The following CDH13 variants were observed in gnomAD, a reference collection of about 807,000 sequenced individuals.
CDH13 encodes the protein cadherin 13.
In CDH13, 24 loss-of-function variants were observed where a neutral mutation model predicts 63.8. That is an observed-to-expected ratio of 0.38 (90% confidence interval 0.27 to 0.53). CDH13 has a LOEUF of 0.53. Among genes scored for constraint, CDH13 ranks in the 20% least tolerant of loss-of-function variants. The probability of loss-of-function intolerance (pLI) is 0.85; values close to 1 mark genes in which losing one functional copy is unlikely to be tolerated. For missense variants in CDH13, 1,049 were observed against 903.1 expected, an observed-to-expected ratio of 1.16 and a Z score of -2.07; for synonymous variants, 503 against 355.3, an observed-to-expected ratio of 1.42 and a Z score of -4.67.
At chr16:82,891,053 TTA>T (rs536941303) in intron 2 of CDH13, among the ~76,000 whole-genome samples, 11,835 of 89,432 alleles carry the variant, frequency 0.13, 580 homozygotes, top group Middle Eastern at 0.22. Flanking sequence ...TTTTTTTTTT[TTA>T]AGTTTTGTTG....
chr16:82,887,673 T>C (rs2040938946), intron 2 of CDH13, among the ~76,000 whole-genome samples: 1 of 152,050 alleles, frequency 6.6e-6, no homozygotes, highest in Non-Finnish European at 1.5e-5. Context: ...ATACAAAAAT[T>C]AGCTGGGCGT....
chr16:83,075,151 C>G (rs1208951905), intron 3 of CDH13, among the ~76,000 whole-genome samples: 1 of 152,122 alleles, frequency 6.6e-6, no homozygotes, highest in Non-Finnish European at 1.5e-5. Context: ...CTCCAGTTGC[C>G]CACAGTGGAA....
intron 4 of CDH13, among the ~76,000 whole-genome samples, chr16:83,184,828 C>G (rs1331995873): frequency 6.6e-6 from 1 of 152,000 alleles, no homozygotes; most frequent in Admixed American, 6.6e-5. Flanking sequence ...TCGTAGCAGT[C>G]CCTGCTCCAG....
At chr16:82,901,231 C>T (rs2041455771) in intron 2 of CDH13, among the ~76,000 whole-genome samples, 1 of 151,846 alleles carries the variant, frequency 6.6e-6, no homozygotes, top group African/African-American at 2.4e-5. Flanking sequence ...TATTTTCTAG[C>T]AATATGAGGC....
rs67518466 is a variant in CDH13, at chr16:82,713,816, AC to A, written c.45+86680del. 5.2e-3 allele frequency among the ~76,000 whole-genome samples: 768 copies of A among 148,068 alleles called. 14 individuals are homozygous for A. Among genetic ancestry groups the A allele is most frequent in the Middle Eastern group, 0.017 (5 of 290 alleles). On this transcript the variant is annotated intron_variant, in intron 1 of 13. Coordinates refer to ENST00000567109, the MANE Select transcript of CDH13 (RefSeq NM_001257.5). ...GGCTTCTGTATTTGTGAAAAAAAAA[AC>A]AAACAAAAAAAAAGGAAAACAATAG... is the stretch of plus-strand genomic sequence containing the variant.
At chr16:83,203,573 G>C (rs145560450) in intron 4 of CDH13, among the ~76,000 whole-genome samples, 3,274 of 144,102 alleles carry the variant, frequency 0.023, 47 homozygotes, top group Middle Eastern at 0.071. Context: ...TGTAGTCCCA[G>C]CTACTTGGGA....
At chr16:83,141,551 G>A (rs959867528) in intron 4 of CDH13, among the ~76,000 whole-genome samples, 8 of 152,146 alleles carry the variant, frequency 5.3e-5, no homozygotes, top group African/African-American at 1.9e-4. Flanking sequence ...TGCAGAATGT[G>A]CAGGTTTGTT....
chr16:83,221,185 C>T (rs919186858), intron 5 of CDH13, among the ~76,000 whole-genome samples: 1 of 152,182 alleles, frequency 6.6e-6, no homozygotes, highest in Non-Finnish European at 1.5e-5. Flanking sequence ...TCTGCAAATT[C>T]CTTAGCTCCT....
chr16:83,266,482 G>T (rs903245993), intron 5 of CDH13, among the ~76,000 whole-genome samples: 2 of 152,142 alleles, frequency 1.3e-5, no homozygotes, highest in Non-Finnish European at 2.9e-5. Flanking sequence ...TAACATCTGT[G>T]TCCAAGTCAG....
At chr16:83,676,571 G>T (rs1282117953) in intron 9 of CDH13, among the ~76,000 whole-genome samples, 1 of 152,208 alleles carries the variant, frequency 6.6e-6, no homozygotes, top group Non-Finnish European at 1.5e-5. Context: ...ATAGAAAGAA[G>T]GATAGAATGG....
intron 1 of CDH13, among the ~76,000 whole-genome samples, chr16:82,641,081 G>A (rs1355945691): frequency 6.6e-6 from 1 of 152,152 alleles, no homozygotes; most frequent in Non-Finnish European, 1.5e-5. Context: ...TCATTGAGGT[G>A]GTCACAGTCA....
chr16:83,035,968 C>CACA (rs1916813363), intron 3 of CDH13, among the ~76,000 whole-genome samples: 1 of 152,108 alleles, frequency 6.6e-6, no homozygotes, highest in South Asian at 2.1e-4. Flanking sequence ...CTTTCATCCT[C>CACA]ACAACAGTAT....
chr16:83,064,905 A>G (rs1489214177), intron 3 of CDH13, among the ~76,000 whole-genome samples: 1 of 152,148 alleles, frequency 6.6e-6, no homozygotes, highest in Non-Finnish European at 1.5e-5. Context: ...TATATAATAC[A>G]TTATTATTGA....
chr16:83,359,133 A>C (rs540608816), intron 6 of CDH13, among the ~76,000 whole-genome samples: 1 of 152,212 alleles, frequency 6.6e-6, no homozygotes, highest in South Asian at 2.1e-4. Flanking sequence ...AGTACCTGTG[A>C]GTTCATCAGG....
intron 1 of CDH13, among the ~76,000 whole-genome samples, chr16:82,792,365 C>T (rs1219835148): frequency 4.6e-5 from 7 of 152,038 alleles, no homozygotes; most frequent in African/African-American, 9.7e-5. Flanking sequence ...GATATTTGTG[C>T]GTGGGTGTGT....
chr16:82,630,462 C>T (rs1907872498), intron 1 of CDH13, among the ~76,000 whole-genome samples: 1 of 152,182 alleles, frequency 6.6e-6, no homozygotes, highest in African/African-American at 2.4e-5. Context: ...TCCTACTCTG[C>T]CTCCCTCCCT....
chr16:83,760,079 T>G (rs940235312), intron 11 of CDH13, among the ~76,000 whole-genome samples: 7 of 152,260 alleles, frequency 4.6e-5, no homozygotes, highest in African/African-American at 1.7e-4. Flanking sequence ...ATGCTCAACT[T>G]AATTAAATAA....
At chr16:82,918,899 G>A (rs899363004) in intron 2 of CDH13, among the ~76,000 whole-genome samples, 1 of 152,072 alleles carries the variant, frequency 6.6e-6, no homozygotes, top group East Asian at 1.9e-4. Flanking sequence ...TATATTAGAG[G>A]ACCATTTATT....
At chr16:83,372,505 G>T (rs980463613) in intron 6 of CDH13, among the ~76,000 whole-genome samples, 2 of 152,006 alleles carry the variant, frequency 1.3e-5, no homozygotes, top group Non-Finnish European at 2.9e-5. Context: ...TGTTATCCTA[G>T]CACTTTGGGA....
Sources: gnomAD v4.1 joint callset for allele counts (sites outside exome capture counted in the v4.1 genomes callset) on GRCh38, gnomAD v4.1.1 for gene constraint, MANE v1.5 for transcripts, NCBI Gene and HGNC (gene_info 2026-07-23, HGNC 2026-07-21) for gene names.